Variants in SH2B2 observed in about 807,000 individuals in gnomAD.
The protein encoded by SH2B2 is SH2B adapter protein 2.
SH2B2 carries 37 observed loss-of-function variants against 35.7 expected under a neutral mutation model. That is an observed-to-expected ratio of 1.04 (90% CI 0.80 to 1.36). The LOEUF is 1.36. Among genes scored for constraint, SH2B2 ranks in the 40% most tolerant of loss-of-function variants. The pLI is 0.00. For missense variants in SH2B2, 852 were observed against 817.7 expected (o/e 1.04, Z -0.51); for synonymous variants, 383 against 376.4 (o/e 1.02, Z -0.20).
At chr7:102,321,259 C>T (rs1554558416) in intron 8 of SH2B2, 40 bp from the exon 9 acceptor site, 10 of 1,331,710 alleles carry the variant, frequency 7.5e-6, no homozygotes, top group Non-Finnish European at 9.6e-6. Flanking sequence ...ATGTGGCCAG[C>T]CCAGGTCCCC....
At chr7:102,313,839 G>C (rs954008775) in intron 4 of SH2B2, among the ~76,000 whole-genome samples, 5 of 151,566 alleles carry the variant, frequency 3.3e-5, no homozygotes, top group African/African-American at 1.2e-4. Context: ...TTGAACCCAG[G>C]AGGCAGAGGC....
intron 8 of SH2B2, 105 bp downstream of exon 8, chr7:102,320,607 A>C (rs1390068565): frequency 4.2e-6 from 6 of 1,424,416 alleles, no homozygotes; most frequent in Non-Finnish European, 5.6e-6. Context: ...CTCCTGTCCC[A>C]TAGCCTCAGC....
intron 1 of SH2B2, among the ~76,000 whole-genome samples, chr7:102,296,436 G>T (rs1554552522): frequency 6.6e-6 from 1 of 152,176 alleles, no homozygotes; most frequent in Non-Finnish European, 1.5e-5. Context: ...CCAACACTAA[G>T]CCGGCTCCTT....
intron 7 of SH2B2, 53 bp from the exon 8 acceptor site, chr7:102,320,278 C>A (rs1299317287): frequency 1.4e-6 from 2 of 1,464,006 alleles, no homozygotes; most frequent in African/African-American, 1.4e-5. Flanking sequence ...AAGGCGCTTA[C>A]CCAGGTGCCC....
chr7:102,315,426 C>T (rs1793786248), intron 6 of SH2B2, among the ~76,000 whole-genome samples: 1 of 151,932 alleles, frequency 6.6e-6, no homozygotes, highest in African/African-American at 2.4e-5. Context: ...ACCCCCAAGT[C>T]CAAGCAATTC....
intron 7 of SH2B2, among the ~76,000 whole-genome samples, chr7:102,319,147 G>C (rs2133048995): frequency 6.6e-6 from 1 of 152,314 alleles, no homozygotes; most frequent in East Asian, 1.9e-4. Flanking sequence ...CTTCCCAGAG[G>C]CAACTCTTTC....
rs114009693 is a variant in SH2B2, at chr7:102,297,943, A to G, written c.-29-2579A>G. Among the ~76,000 whole-genome samples the G allele has an allele frequency of 1.2e-3, 182 of 152,358 alleles. No individual in the cohort carries two copies. The highest frequency in any genetic ancestry group is 4.1e-3 in the African/African-American group (169 of 41,580). ...GGATTTGTCATTCTCAAGAGTGGTC[A>G]GGGAAGGCTATCCGCCAAGCCATTG... On this transcript the variant is annotated intron_variant, in intron 1 of 8. Coordinates refer to ENST00000444095, the MANE Select transcript of SH2B2 (RefSeq NM_001359228.2). This position sits in a 1 kb window ranked among gnomAD's most constrained non-coding sequence, Gnocchi z 4.3.
Position 102,321,477 on chromosome 7 carries a change from C to T in SH2B2, c.1746C>T (p.Pro582=), listed in dbSNP as rs868939422. Residue 582 remains proline, a synonymous_variant, in exon 9 of 9, where the codon CCC becomes CCT. Coordinates refer to ENST00000444095, the MANE Select transcript of SH2B2 (RefSeq NM_001359228.2). ...CCTCTGCCGCGTCGGGGCCCGCCCC[C>T]CCGCGCCCCGTCGAGGGCCAGCTCA... is the stretch of plus-strand genomic sequence containing the variant. ...SSSSAASGPA[P]PRPVEGQLSA... is the part of the protein sequence containing the mutation. The T allele has an allele frequency of 1.9e-4, 223 of 1,186,694 alleles. No individual in the cohort carries two copies. In the African/African-American group the frequency reaches 3.4e-3, roughly 18 times the overall value. 73.5% of individuals were successfully genotyped at this position (1,186,694 alleles called of 1,614,324 possible).
chr7:102,303,128 A>G (rs1222629063), intron 2 of SH2B2, among the ~76,000 whole-genome samples: 1 of 151,898 alleles, frequency 6.6e-6, no homozygotes, highest in Non-Finnish European at 1.5e-5. Context: ...GAGGCAGGAG[A>G]ATCACTTCAA....
intron 4 of SH2B2, among the ~76,000 whole-genome samples, chr7:102,313,011 A>C (rs888681238): frequency 1.7e-4 from 26 of 151,520 alleles, no homozygotes; most frequent in South Asian, 4.2e-4. Flanking sequence ...TGCCTGTAAT[A>C]TCAGCTACTC....
intron 7 of SH2B2, 72 bp from the exon 8 acceptor site, chr7:102,320,259 C>CAACCCCCA (rs1464704291): frequency 7.7e-6 from 10 of 1,302,840 alleles, no homozygotes; most frequent in Non-Finnish European, 1.1e-5. Context: ...GTCCTTCCAT[C>CAACCCCCA]AACCCCCAAA....
At chr7:102,304,989 C>T (rs1793333780) in intron 2 of SH2B2, among the ~76,000 whole-genome samples, 1 of 152,256 alleles carries the variant, frequency 6.6e-6, no homozygotes, top group Admixed American at 6.5e-5. Context: ...AAGGGGGCCT[C>T]AGGCTCACGG....
At chr7:102,293,638 A>G (rs1792786360) in intron 1 of SH2B2, among the ~76,000 whole-genome samples, 2 of 151,856 alleles carry the variant, frequency 1.3e-5, no homozygotes, top group African/African-American at 4.8e-5. Context: ...TTTGTCTCCA[A>G]CGCCAGTCCT....
intron 1 of SH2B2, among the ~76,000 whole-genome samples, chr7:102,290,089 C>T (rs560248918): frequency 6.7e-6 from 1 of 150,090 alleles, no homozygotes; most frequent in Non-Finnish European, 1.5e-5. Context: ...CCCCGCCCCC[C>T]CACCCAGCCG....
chr7:102,301,350 C>T (rs1241457074), intron 2 of SH2B2, 71 bp downstream of exon 2: 1 of 1,500,250 alleles, frequency 6.7e-7, no homozygotes, highest in Middle Eastern at 1.7e-4. Context: ...CTGAGGGTGC[C>T]AGGGACTGCC....
At chr7:102,293,575 C>T (rs1206554451) in intron 1 of SH2B2, among the ~76,000 whole-genome samples, 2 of 151,892 alleles carry the variant, frequency 1.3e-5, no homozygotes, top group East Asian at 1.9e-4. Context: ...GTGGTCTACC[C>T]GCCCAGTGCT....
At chr7:102,299,302 G>C (rs1219687176) in intron 1 of SH2B2, among the ~76,000 whole-genome samples, 1 of 148,652 alleles carries the variant, frequency 6.7e-6, no homozygotes, top group South Asian at 2.1e-4. Flanking sequence ...GGGTTCAAGC[G>C]ATTCTCCTGC....
intron 1 of SH2B2, among the ~76,000 whole-genome samples, chr7:102,291,920 G>A (rs1191090777): frequency 6.6e-6 from 1 of 152,172 alleles, no homozygotes; most frequent in Non-Finnish European, 1.5e-5. Context: ...CCCAGGGAGG[G>A]GTGCAGAGAG....
chr7:102,286,504 C>T (rs1026001024), upstream of SH2B2, among the ~76,000 whole-genome samples: 1 of 152,114 alleles, frequency 6.6e-6, no homozygotes, highest in Admixed American at 6.5e-5. Flanking sequence ...CTCCCGGGGC[C>T]ACCACCACCG....
Sources: allele counts gnomAD v4.1 joint callset (sites outside exome capture counted in the v4.1 genomes callset), GRCh38; gene constraint gnomAD v4.1.1; non-coding constraint Gnocchi (gnomAD v3.1); transcripts MANE v1.5; gene names NCBI Gene and HGNC (gene_info 2026-07-23, HGNC 2026-07-21).